The following PARP6 variants were observed in gnomAD, a reference collection of about 807,000 sequenced individuals.
PARP6 encodes poly(ADP-ribose) polymerase family member 6.
Under a neutral mutation model 92.0 loss-of-function variants are expected in PARP6, and 27 were observed. The ratio of observed to expected loss-of-function variants is 0.29; its 90% CI spans 0.22 to 0.40. The LOEUF is 0.40. PARP6 is among the 10% of genes least tolerant of loss of function. PARP6 has a pLI of 1.00. For missense variants in PARP6, 501 were observed against 784.5 expected (o/e 0.64, Z 4.32); for synonymous variants, 272 against 281.2 (o/e 0.97, Z 0.33).
chr15:72,250,988 C>T (rs1567181100), intron 17 of PARP6, 34 bp from the exon 18 acceptor site: 3 of 1,500,538 alleles, frequency 2.0e-6, no homozygotes, highest in East Asian at 2.3e-5. Flanking sequence ...ATCAGGAAAA[C>T]AGAGCAGAAA....
chr15:72,251,011 A>C, intron 17 of PARP6, 57 bp from the exon 18 acceptor site: 1 of 1,314,468 alleles, frequency 7.6e-7, no homozygotes, highest in Non-Finnish European at 1.1e-6. Flanking sequence ...GAGATCAGGG[A>C]GGGAAGGGTT....
chr15:72,249,252 T>G lies in PARP6; in HGVS notation c.1554A>C (p.Gly518=), dbSNP rs1403047144. 1.3e-6 allele frequency: 2 copies of G among 1,594,948 alleles called. No homozygotes were observed. The highest frequency in any genetic ancestry group is 2.2e-5 in the East Asian group (1 of 44,518). ...YLSPISSISF[G]YSGMGKGQHR... ...CCACAGAATATTTCTTACCTGAGTA[T>G]CCAAAGGAAATACTGGAGATGGGGC... Residue 518 remains glycine (G), a synonymous_variant, in exon 20 of 24, where the codon GGA becomes GGC. Coordinates refer to ENST00000569795, the MANE Select transcript of PARP6 (RefSeq NM_001323532.2).
chr15:72,266,500 A>C (rs1267284931), intron 4 of PARP6, among the ~76,000 whole-genome samples: 2 of 152,028 alleles, frequency 1.3e-5, no homozygotes, highest in Non-Finnish European at 2.9e-5. Flanking sequence ...GTCAGAAAAT[A>C]ATTATGTCTA....
rs376438158 is a variant in PARP6, at chr15:72,254,340, A to G, written c.1191+115T>C. 24 of 723,732 alleles carry G rather than the reference A, an allele frequency of 3.3e-5. No individual in the cohort carries two copies. The East Asian group carries it at 6.0e-4, about 18-fold the overall frequency. 44.8% of individuals were successfully genotyped at this position (723,732 alleles called of 1,614,324 possible). A position where few individuals can be genotyped will look rare whatever the true frequency, so the allele number is the denominator to read the frequency against. On this transcript the variant is annotated intron_variant, in intron 15 of 23. Transcript: ENST00000569795. ...AAGGTTAAAGAGGAAAGACTAAAAA[A>G]AAAATACAGTGCGTAGCATCTCTAA...
At chr15:72,264,729 T>C (rs1281738514) in intron 7 of PARP6, 108 bp from the exon 8 acceptor site, 1 of 825,056 alleles carries the variant, frequency 1.2e-6, no homozygotes, top group Non-Finnish European at 2.0e-6. Flanking sequence ...AGCTGCTGGG[T>C]ACTCTAAACA....
At chr15:72,267,416 C>T (rs2086744053) in intron 3 of PARP6, 59 bp downstream of exon 3, 2 of 1,583,646 alleles carry the variant, frequency 1.3e-6, no homozygotes, top group South Asian at 2.2e-5. Flanking sequence ...GTGAGATCTG[C>T]ACTTTGTCTC....
chr15:72,270,120 C>T (rs575229059), intron 2 of PARP6, among the ~76,000 whole-genome samples: 32 of 152,154 alleles, frequency 2.1e-4, no homozygotes, highest in Non-Finnish European at 3.4e-4. Context: ...GACACCATGC[C>T]AGAGCAGAGC....
chr15:72,270,227 C>T (rs1307347489), intron 2 of PARP6, among the ~76,000 whole-genome samples: 1 of 151,782 alleles, frequency 6.6e-6, no homozygotes, highest in Admixed American at 6.6e-5. Context: ...TGGAATGACC[C>T]GATTACTGAG....
chr15:72,264,693 T>G, intron 7 of PARP6, 72 bp from the exon 8 acceptor site: 1 of 1,143,136 alleles, frequency 8.7e-7, no homozygotes, highest in Non-Finnish European at 1.3e-6. Context: ...CTCAGTGGAA[T>G]AGCTTCCATA....
chr15:72,252,534 G>A (rs1020321815), intron 16 of PARP6, among the ~76,000 whole-genome samples: 4 of 151,806 alleles, frequency 2.6e-5, no homozygotes, highest in East Asian at 1.9e-4. Context: ...TGCCCAGGCT[G>A]GAGTGTAATG....
rs748627853 is a variant in PARP6, at chr15:72,258,128, A to G, written c.815T>C (p.Met272Thr). The stretch of plus-strand genomic sequence containing the variant: ...TGGAATCCTCTGTTCTGCATACTTC[A>G]TGATCTGAGAAAACAACAGATTCTA... ...TLEYGFLVQI[M>T]KYAEQRIPTL... The change falls in exon 12 of 24, where the codon ATG becomes ACG. Residue 272 changes from methionine to threonine, a missense_variant. This residue lies in a region of PARP6 where 291 missense variants were observed against 352.0 expected (regional missense o/e 0.83). Coordinates refer to ENST00000569795, the MANE Select transcript of PARP6 (RefSeq NM_001323532.2). 1.5e-5 allele frequency: 24 copies of G among 1,607,356 alleles called. No homozygotes were observed. In the East Asian group the frequency reaches 4.7e-4, roughly 31 times the overall value.
At chr15:72,263,494 C>G (rs1177837280) in intron 8 of PARP6, among the ~76,000 whole-genome samples, 1 of 152,170 alleles carries the variant, frequency 6.6e-6, no homozygotes, top group African/African-American at 2.4e-5. Flanking sequence ...ATTTCTTTCC[C>G]TAAACCCTTC....
intron 17 of PARP6, 121 bp downstream of exon 17, chr15:72,251,086 G>T: frequency 2.0e-6 from 2 of 993,782 alleles, no homozygotes; most frequent in Non-Finnish European, 3.2e-6. Context: ...AAGGCCCAAA[G>T]ACTAAGTTGA....
chr15:72,249,427 A>G, intron 19 of PARP6, 113 bp from the exon 20 acceptor site: 1 of 579,050 alleles, frequency 1.7e-6, no homozygotes, highest in Non-Finnish European at 3.1e-6. Flanking sequence ...CTTCTCATTC[A>G]AGTAACCCTA....
intron 18 of PARP6, 105 bp from the exon 19 acceptor site, chr15:72,250,197 T>C: frequency 1.3e-6 from 1 of 745,660 alleles, no homozygotes. Context: ...GACATGAAGA[T>C]GGACAGGTAC....
chr15:72,256,675 G>T, intron 13 of PARP6, 85 bp from the exon 14 acceptor site: 2 of 1,191,632 alleles, frequency 1.7e-6, no homozygotes, highest in Admixed American at 3.4e-5. Flanking sequence ...TCTCTCTGAT[G>T]TTCTTTTAAA....
chr15:72,267,554 A>G lies in PARP6; in HGVS notation c.-77T>C, dbSNP rs1251603249. On this transcript the variant is annotated 5_prime_UTR_variant, in exon 3 of 24. Coordinates refer to ENST00000569795, the MANE Select transcript of PARP6 (RefSeq NM_001323532.2). ...CATACCACTAGCCGAACCAAGGCCA[A>G]CGAGATGGGCATTTAGGAGACCACA... The G allele has an allele frequency of 2.0e-6, 3 of 1,508,162 alleles. No individual in the cohort carries two copies. Among genetic ancestry groups the G allele is most frequent in the Non-Finnish European group, 1.8e-6 (2 of 1,083,740 alleles). The allele number at this position is 1,508,162 out of a possible 1,614,324, so 93.4% of individuals were successfully genotyped here.
At chr15:72,272,262 A>G (rs2087558241) in intron 1 of PARP6, 131 bp downstream of exon 1, 1 of 152,446 alleles carries the variant, frequency 6.6e-6, no homozygotes, top group African/African-American at 2.4e-5. Flanking sequence ...TGAAGACCCC[A>G]AAAACACCCA....
chr15:72,246,783 CT>C (rs2083663633), intron 20 of PARP6, among the ~76,000 whole-genome samples: 1 of 149,850 alleles, frequency 6.7e-6, no homozygotes, highest in Admixed American at 6.6e-5. Flanking sequence ...GAGATGGAGT[CT>C]TGCTCTGTTA....
Sources: gnomAD v4.1 joint callset for allele counts (sites outside exome capture counted in the v4.1 genomes callset) on GRCh38, gnomAD v4.1.1 for gene constraint, gnomAD v4.1.1 regional missense constraint, MANE v1.5 for transcripts, NCBI Gene and HGNC (gene_info 2026-07-23, HGNC 2026-07-21) for gene names.